The following CCDC15 variants were observed in gnomAD, a reference collection of about 807,000 sequenced individuals.
CCDC15 encodes coiled-coil domain containing 15.
CCDC15 carries 105 observed loss-of-function variants against 114.5 expected under a neutral mutation model. The observed-to-expected ratio is 0.92, with a 90% CI of 0.78 to 1.08. The LOEUF (loss-of-function observed/expected upper bound fraction) is 1.08, where lower values mean the gene tolerates loss of function less well. CCDC15 is among the 50% of genes least tolerant of loss of function. The pLI, the probability that CCDC15 is intolerant of heterozygous loss-of-function variation, is 0.00. For missense variants in CCDC15, 1,105 were observed against 1,093.6 expected, an observed-to-expected ratio of 1.01 and a Z score of -0.15; for synonymous variants, 334 against 377.8, an observed-to-expected ratio of 0.88 and a Z score of 1.34.
Position 124,987,539 on chromosome 11 carries a change from A to G in CCDC15, c.1313A>G (p.Gln438Arg), listed in dbSNP as rs2135484374. The G allele has an allele frequency of 1.2e-6, 2 of 1,614,068 alleles. No homozygotes were observed. Among genetic ancestry groups the G allele is most frequent in the Middle Eastern group, 1.6e-4 (1 of 6,062 alleles). ...LKDHCVLPKD[Q>R]SILLKYQDQD... Reference sequence around the variant, plus strand: ...GACCACTGTGTTCTCCCTAAAGACCAGAGTATTCTACTCAAATATCAGGAC... The same window carrying G: ...GACCACTGTGTTCTCCCTAAAGACCGGAGTATTCTACTCAAATATCAGGAC... The change falls in exon 8 of 16, where the codon CAG becomes CGG. Residue 438 changes from glutamine to arginine, a missense_variant. Coordinates refer to ENST00000344762, the MANE Select transcript of CCDC15 (RefSeq NM_025004.3).
At chr11:125,006,533 A>G (rs1948552867) in intron 13 of CCDC15, among the ~76,000 whole-genome samples, 1 of 152,174 alleles carries the variant, frequency 6.6e-6, no homozygotes, top group South Asian at 2.1e-4. Flanking sequence ...AGTCTGCCTA[A>G]TCAGTTCTTT....
intron 11 of CCDC15, among the ~76,000 whole-genome samples, chr11:124,997,127 T>C (rs1948386611): frequency 6.6e-6 from 1 of 152,206 alleles, no homozygotes; most frequent in Non-Finnish European, 1.5e-5. Context: ...CAATCTCCTA[T>C]TGATGGACAT....
chr11:125,038,965 T>C lies in CCDC15; in HGVS notation c.2630T>C (p.Leu877Pro). The change falls in exon 15 of 16, where the codon CTG becomes CCG. Residue 877 changes from leucine (L) to proline (P), a missense_variant. Coordinates refer to ENST00000344762, the MANE Select transcript of CCDC15 (RefSeq NM_025004.3). ...GCCCAAATCCAGGAGAAAATGCAGC[T>C]GTATAATATTACTTTACCTCCACTA... ...LRAQIQEKMQLYNITLPPLCC... is the reference protein window; with the variant it reads ...LRAQIQEKMQPYNITLPPLCC... The C allele has an allele frequency of 6.2e-7, 1 of 1,613,544 alleles. No individual in the cohort carries two copies. The highest frequency in any genetic ancestry group is 1.3e-5 in the African/African-American group (1 of 75,066).
At chr11:125,015,509 A>G (rs1167660728) in intron 13 of CCDC15, among the ~76,000 whole-genome samples, 3 of 152,186 alleles carry the variant, frequency 2.0e-5, no homozygotes, top group Non-Finnish European at 4.4e-5. Flanking sequence ...CTATGGGGAT[A>G]AAACAACTAA....
rs1459128898 is a variant in CCDC15 at position 125,004,013 on chromosome 11, T to C, written c.2307+54T>C. On this transcript the variant is annotated intron_variant, in intron 12 of 15. Transcript: ENST00000344762. The stretch of plus-strand genomic sequence containing the variant: ...AATATTTCTACTATGATAGTATTAA[T>C]ATATGAGAAATTGGAAACAATTTGT... 6.6e-6 allele frequency: 6 copies of C among 907,184 alleles called. No individual in the cohort carries two copies. In the Admixed American group the frequency reaches 1.1e-4, roughly 17 times the overall value. 56.2% of individuals were successfully genotyped at this position (907,184 alleles called of 1,614,324 possible). A position where few individuals can be genotyped will look rare whatever the true frequency, so the allele number is the denominator to read the frequency against.
chr11:124,995,518 A>C (rs556573039), intron 11 of CCDC15, among the ~76,000 whole-genome samples: 1 of 152,290 alleles, frequency 6.6e-6, no homozygotes, highest in South Asian at 2.1e-4. Context: ...TGAATGTGTT[A>C]GTTGATCAGT....
chr11:125,040,478 T>C, intron 15 of CCDC15, 112 bp from the exon 16 acceptor site: 1 of 921,558 alleles, frequency 1.1e-6, no homozygotes, highest in Non-Finnish European at 1.6e-6. Flanking sequence ...ATTTATTCAA[T>C]AGATAGTTAC....
rs772742379 is a variant in CCDC15, at chr11:124,954,840, C to G, written c.108C>G (p.Asn36Lys). ...KDVLAVLAER[N>K]EAIVPVGAWV... ...TGTTGGCAGTGCTGGCTGAGAGGAACGAGGCTATAGTACCAGTTGGGGCAT... is the reference window on the plus strand; with the variant it reads ...TGTTGGCAGTGCTGGCTGAGAGGAAGGAGGCTATAGTACCAGTTGGGGCAT... The change falls in exon 2 of 16, where the codon AAC (asparagine) becomes AAG (lysine). Residue 36 changes from asparagine to lysine, a missense_variant. By Grantham distance (94) the Asn-to-Lys change is moderately conservative. Coordinates refer to ENST00000344762, the MANE Select transcript of CCDC15 (RefSeq NM_025004.3). 1.2e-6 allele frequency: 2 copies of G among 1,613,976 alleles called. No individual in the cohort carries two copies. The highest frequency in any genetic ancestry group is 1.3e-5 in the African/African-American group (1 of 75,032).
At chr11:124,978,890 AT>A (rs1948020678) in intron 6 of CCDC15, among the ~76,000 whole-genome samples, 1 of 151,098 alleles carries the variant, frequency 6.6e-6, no homozygotes, top group Admixed American at 6.6e-5. Flanking sequence ...GTCCAGATTG[AT>A]ATTTCCTATG....
At chr11:124,976,644 C>A (rs1029459987) in intron 5 of CCDC15, among the ~76,000 whole-genome samples, 8 of 152,048 alleles carry the variant, frequency 5.3e-5, no homozygotes, top group Admixed American at 2.6e-4. Context: ...ACACAGTTAT[C>A]AGATCTTAGA....
At chr11:124,968,959 C>T (rs1947833186) in intron 4 of CCDC15, among the ~76,000 whole-genome samples, 1 of 152,114 alleles carries the variant, frequency 6.6e-6, no homozygotes, top group Non-Finnish European at 1.5e-5. Flanking sequence ...AAATCTTCCT[C>T]CCTATAACTT....
At chr11:124,968,735 G>A (rs566001693) in intron 4 of CCDC15, among the ~76,000 whole-genome samples, 21 of 152,240 alleles carry the variant, frequency 1.4e-4, no homozygotes, top group Middle Eastern at 3.4e-3. Context: ...TGTCTTCTGC[G>A]TCGATCACGC....
At position 124,983,543 on chromosome 11, in the gene CCDC15, G is replaced by A. The variant is rs575797410; in HGVS notation, c.754-3199G>A. On this transcript the variant is annotated intron_variant, in intron 6 of 15. Coordinates refer to ENST00000344762, the MANE Select transcript of CCDC15 (RefSeq NM_025004.3). ...TGGCTTCATTTCTGGAAGATTTTAG[G>A]GGCCAGAACTCAGCTCATGACTCTT... Among the ~76,000 whole-genome samples the A allele has an allele frequency of 2.1e-3, 317 of 152,098 alleles. 3 individuals are homozygous for A. Among genetic ancestry groups the A allele is most frequent in the Non-Finnish European group, 1.7e-3 (115 of 67,976 alleles).
chr11:124,972,351 CAT>C (rs1321468273), intron 4 of CCDC15, among the ~76,000 whole-genome samples: 3 of 152,092 alleles, frequency 2.0e-5, no homozygotes, highest in African/African-American at 7.2e-5. Flanking sequence ...TACATTTAAA[CAT>C]ATATGTAAGT....
intron 4 of CCDC15, among the ~76,000 whole-genome samples, chr11:124,971,803 G>A (rs529438767): frequency 6.6e-6 from 1 of 151,882 alleles, no homozygotes; most frequent in African/African-American, 2.4e-5. Flanking sequence ...TTGTCTTTTG[G>A]TGTTAATATT....
At chr11:125,010,199 A>G (rs1211149585) in intron 13 of CCDC15, among the ~76,000 whole-genome samples, 1 of 151,914 alleles carries the variant, frequency 6.6e-6, no homozygotes, top group African/African-American at 2.4e-5. Context: ...CTTTTTACTA[A>G]TATCTGTTTT....
chr11:124,955,571 T>G (rs1201423578), intron 2 of CCDC15, among the ~76,000 whole-genome samples: 3 of 152,226 alleles, frequency 2.0e-5, no homozygotes, highest in African/African-American at 4.8e-5. Context: ...TCATTTATCA[T>G]CACATTCCCA....
chr11:124,987,405 G>A lies in CCDC15; in HGVS notation c.1179G>A (p.Leu393=), dbSNP rs376666689. 46 of 1,613,866 alleles carry A rather than the reference G, an allele frequency of 2.9e-5. No individual in the cohort carries two copies. Among genetic ancestry groups the A allele is most frequent in the Non-Finnish European group, 3.9e-5 (46 of 1,179,904 alleles). ...AGACAGAAACTCAGGGTATTATGCT[G>A]AAAGCCCAGAGTATTGAGCTAGAAG... ...PIKTETQGIM[L]KAQSIELEEG... is the part of the protein sequence containing the mutation. Residue 393 remains leucine (L), a synonymous_variant, in exon 8 of 16, where the codon CTG becomes CTA. Coordinates refer to ENST00000344762, the MANE Select transcript of CCDC15 (RefSeq NM_025004.3).
chr11:124,961,936 A>G (rs989910993), intron 4 of CCDC15, among the ~76,000 whole-genome samples: 1 of 152,230 alleles, frequency 6.6e-6, no homozygotes, highest in Admixed American at 6.5e-5. Flanking sequence ...GTAGTTTATA[A>G]TGGAGAATAA....
Sources: gnomAD v4.1 joint callset for allele counts (sites outside exome capture counted in the v4.1 genomes callset) on GRCh38, gnomAD v4.1.1 for gene constraint, MANE v1.5 for transcripts, NCBI Gene and HGNC (gene_info 2026-07-23, HGNC 2026-07-21) for gene names.